The following LINGO2 variants were observed in gnomAD, a reference collection of about 807,000 sequenced individuals.
LINGO2 encodes leucine rich repeat and Ig domain containing 2.
A neutral mutation model predicts 30.6 loss-of-function variants in LINGO2; 14 were observed. The ratio of observed to expected loss-of-function variants is 0.46; its 90% confidence interval spans 0.30 to 0.72. LINGO2 has a LOEUF of 0.72. Among genes scored for constraint, LINGO2 ranks in the 30% least tolerant of loss-of-function variants. The pLI, the probability that LINGO2 is intolerant of heterozygous loss-of-function variation, is 0.07. For missense variants in LINGO2, 729 were observed against 751.7 expected, an observed-to-expected ratio of 0.97 and a Z score of 0.35; for synonymous variants, 317 against 288.5, an observed-to-expected ratio of 1.10 and a Z score of -1.00.
chr9:28,953,228 A>G, the LINGO2 span, among the ~76,000 whole-genome samples: 1 of 152,152 alleles, frequency 6.6e-6, no homozygotes, highest in African/African-American at 2.4e-5. Context: ...TTTGAGTATC[A>G]TTACTACTCA....
chr9:29,093,038 T>A, the LINGO2 span, among the ~76,000 whole-genome samples: 1 of 125,964 alleles, frequency 7.9e-6, no homozygotes, highest in South Asian at 2.4e-4. Flanking sequence ...TGTATATATA[T>A]ATATATATAT....
rs1170689208 is a variant in LINGO2 at position 28,130,172 on chromosome 9, T to G, written c.-86-117767A>C. Reference sequence around the variant, plus strand: ...CTAGATTTAGAGTTGTGCCTTCATTTTAACCACTGGTTTGAACTCTAGACC... The same window carrying G: ...CTAGATTTAGAGTTGTGCCTTCATTGTAACCACTGGTTTGAACTCTAGACC... On this transcript the variant is annotated intron_variant, in intron 4 of 5. Coordinates refer to ENST00000379992, the Ensembl canonical transcript of LINGO2. This position sits in a 1 kb window ranked among gnomAD's most constrained non-coding sequence, Gnocchi z 5.2. 1.3e-5 allele frequency among the ~76,000 whole-genome samples: 2 copies of G among 152,250 alleles called. No individual in the cohort carries two copies.
chr9:28,826,989 C>G, the LINGO2 span, among the ~76,000 whole-genome samples: 5 of 152,108 alleles, frequency 3.3e-5, no homozygotes, highest in African/African-American at 1.2e-4. Context: ...CACTTAAAAC[C>G]ACGTCCCAGT....
chr9:28,103,180 G>A lies in LINGO2; in HGVS notation c.-86-90775C>T, dbSNP rs932460806. ...AGGTAAACATATGTAACCTATGAAG[G>A]TGTAGCTTGAGATTCTTTGAATTTT... On this transcript the variant is annotated intron_variant, in intron 4 of 5. Coordinates refer to ENST00000379992, the Ensembl canonical transcript of LINGO2. 3.3e-5 allele frequency among the ~76,000 whole-genome samples: 5 copies of A among 152,252 alleles called. No individual in the cohort carries two copies. In the East Asian group the frequency reaches 9.7e-4, roughly 29 times the overall value.
At chr9:28,390,575 A>G (rs962509194) in intron 2 of LINGO2, among the ~76,000 whole-genome samples, 2 of 35,202 alleles carry the variant, frequency 5.7e-5, no homozygotes, top group Non-Finnish European at 1.7e-4. Context: ...TACATAAATG[A>G]AAAAAAAAAA....
the LINGO2 span, among the ~76,000 whole-genome samples, chr9:28,773,377 A>T: frequency 6.6e-6 from 1 of 151,804 alleles, no homozygotes; most frequent in South Asian, 2.1e-4. Context: ...AAAAAAAAAA[A>T]AAAAGTGACT....
chr9:28,409,294 C>CA (rs1436757567), intron 2 of LINGO2, among the ~76,000 whole-genome samples: 2 of 152,100 alleles, frequency 1.3e-5, no homozygotes, highest in African/African-American at 4.8e-5. Flanking sequence ...TCTCATCTTT[C>CA]AGAAACAAAA....
chr9:29,018,052 ATATATAAATATATATAAATCTT>A, the LINGO2 span, among the ~76,000 whole-genome samples: 1 of 139,330 alleles, frequency 7.2e-6, no homozygotes, highest in African/African-American at 2.6e-5. Flanking sequence ...AGAGAGATCT[ATATATAAATATATATAAATCTT>A]TATATAAATA....
intron 1 of LINGO2, among the ~76,000 whole-genome samples, chr9:28,515,497 C>T (rs911626710): frequency 4.5e-4 from 68 of 152,268 alleles, no homozygotes; most frequent in African/African-American, 1.6e-3. Flanking sequence ...TGAACCGCTG[C>T]GCCTGGCCAA....
At chr9:28,074,592 T>C (rs1170229681) in intron 4 of LINGO2, among the ~76,000 whole-genome samples, 1 of 152,158 alleles carries the variant, frequency 6.6e-6, no homozygotes, top group Non-Finnish European at 1.5e-5. Context: ...AGAGACTTAC[T>C]GCAGAAAAAT....
chr9:29,109,521 A>G, the LINGO2 span, among the ~76,000 whole-genome samples: 7 of 152,174 alleles, frequency 4.6e-5, no homozygotes, highest in African/African-American at 1.7e-4. Flanking sequence ...CGTAAGTATA[A>G]GATACTCTAG....
At chr9:28,292,532 G>T (rs1823768145) in intron 4 of LINGO2, among the ~76,000 whole-genome samples, 1 of 151,738 alleles carries the variant, frequency 6.6e-6, no homozygotes, top group Admixed American at 6.6e-5. Context: ...GCTCGATCTT[G>T]GCTCACTGCA....
chr9:28,579,392 C>G (rs1824152341), intron 1 of LINGO2, among the ~76,000 whole-genome samples: 1 of 151,986 alleles, frequency 6.6e-6, no homozygotes, highest in Non-Finnish European at 1.5e-5. Context: ...CCGTATTGGT[C>G]ATTCATCACT....
chr9:29,197,542 T>C, the LINGO2 span, among the ~76,000 whole-genome samples: 5 of 152,170 alleles, frequency 3.3e-5, 1 homozygote, highest in East Asian at 9.7e-4. Flanking sequence ...GCCAGAATGG[T>C]TCCTTATTTG....
chr9:28,939,863 G>A, the LINGO2 span, among the ~76,000 whole-genome samples: 1 of 152,064 alleles, frequency 6.6e-6, no homozygotes, highest in African/African-American at 2.4e-5. Context: ...ATTAAGACCT[G>A]TAGTCCTCTA....
the LINGO2 span, among the ~76,000 whole-genome samples, chr9:28,683,496 T>C: frequency 6.6e-6 from 1 of 152,142 alleles, no homozygotes; most frequent in Non-Finnish European, 1.5e-5. Context: ...GCAATAGGAC[T>C]GTTTATGCCA....
the LINGO2 span, among the ~76,000 whole-genome samples, chr9:29,142,483 A>G: frequency 4.6e-5 from 7 of 151,816 alleles, no homozygotes; most frequent in Non-Finnish European, 8.8e-5. Flanking sequence ...ACTTAACTTT[A>G]TACCTTAAAA....
chr9:28,873,323 T>A, the LINGO2 span, among the ~76,000 whole-genome samples: 2 of 146,774 alleles, frequency 1.4e-5, no homozygotes, highest in African/African-American at 5.1e-5. Context: ...TGAGCTGAGC[T>A]CATGCCACTA....
At chr9:28,372,072 T>C (rs780822440) in intron 3 of LINGO2, among the ~76,000 whole-genome samples, 1 of 152,090 alleles carries the variant, frequency 6.6e-6, no homozygotes, top group Non-Finnish European at 1.5e-5. Context: ...GAATAGTAGA[T>C]GGATGGAATG....
Sources: gnomAD v4.1 joint callset for allele counts (sites outside exome capture counted in the v4.1 genomes callset) on GRCh38, gnomAD v4.1.1 for gene constraint, Gnocchi (gnomAD v3.1) non-coding constraint, MANE v1.5 for transcripts, NCBI Gene and HGNC (gene_info 2026-07-23, HGNC 2026-07-21) for gene names.